The following HAPLN1 variants were observed in gnomAD, a reference collection of about 807,000 sequenced individuals.
HAPLN1 encodes hyaluronan and proteoglycan link protein 1.
A neutral mutation model predicts 36.5 loss-of-function variants in HAPLN1; 13 were observed. The ratio of observed to expected loss-of-function variants is 0.36; its 90% confidence interval spans 0.23 to 0.57. The LOEUF (loss-of-function observed/expected upper bound fraction) is 0.57, where lower values mean the gene tolerates loss of function less well. HAPLN1 is among the 20% of genes least tolerant of loss of function. HAPLN1 has a pLI of 0.83. For missense variants in HAPLN1, 407 were observed against 439.7 expected (o/e 0.93, Z 0.66); for synonymous variants, 202 against 169.8 (o/e 1.19, Z -1.48).
At position 83,649,443 on chromosome 5, in the gene HAPLN1, TTTTG is replaced by T. The variant is rs934564120; in HGVS notation, c.472+3006_472+3009del. On this transcript the variant is annotated intron_variant, in intron 3 of 4. Transcript: ENST00000274341. ...GGTCCAAATCAAGTATCTGGTTTTT[TTTTG>T]TTTGTTTGTTTGTTTTTTTGAGACG... Among the ~76,000 whole-genome samples the T allele has an allele frequency of 5.5e-4, 84 of 152,242 alleles. 1 individual carries two copies. The highest frequency in any genetic ancestry group is 1.0e-3 in the South Asian group (5 of 4,826).
rs977281932 is a variant in HAPLN1, at chr5:83,640,918, T to G, written c.*578A>C. ...ATTGGAATCCATATGAATTTTTTTT[T>G]TTTTTTTTGGTCAGAAAGGCAGGAT... On this transcript the variant is annotated 3_prime_UTR_variant, in exon 5 of 5. Transcript: ENST00000274341. The G allele has an allele frequency of 6.6e-6, 1 of 152,040 alleles. No homozygotes were observed. Among genetic ancestry groups the G allele is most frequent in the Admixed American group, 6.5e-5 (1 of 15,270 alleles). The allele number at this position is 152,040 out of a possible 1,614,324, so 9.4% of individuals were successfully genotyped here.
chr5:83,657,294 C>T (rs544125975), intron 2 of HAPLN1, among the ~76,000 whole-genome samples: 1 of 152,116 alleles, frequency 6.6e-6, no homozygotes, highest in African/African-American at 2.4e-5. Context: ...GATGGGGTTT[C>T]ACCATGTTAG....
At chr5:83,662,305 A>G (rs1750428687) in intron 2 of HAPLN1, among the ~76,000 whole-genome samples, 1 of 152,258 alleles carries the variant, frequency 6.6e-6, no homozygotes, top group South Asian at 2.1e-4. Flanking sequence ...TTAAATGTTA[A>G]TATTAATTTA....
intron 2 of HAPLN1, among the ~76,000 whole-genome samples, chr5:83,670,741 C>CTG (rs1455260663): frequency 6.6e-6 from 1 of 151,772 alleles, no homozygotes; most frequent in Non-Finnish European, 1.5e-5. Flanking sequence ...GTTGCCCAGG[C>CTG]TGGAGTGCAG....
intron 1 of HAPLN1, among the ~76,000 whole-genome samples, chr5:83,715,370 C>A (rs185295935): frequency 2.0e-5 from 3 of 151,912 alleles, no homozygotes; most frequent in Non-Finnish European, 4.4e-5. Flanking sequence ...GCAGGAGTCT[C>A]GGTTTATGAG....
At chr5:83,658,331 T>C (rs1330756793) in intron 2 of HAPLN1, among the ~76,000 whole-genome samples, 1 of 152,164 alleles carries the variant, frequency 6.6e-6, no homozygotes, top group African/African-American at 2.4e-5. Flanking sequence ...CTTGTTTATG[T>C]TGTTTCTCCA....
At chr5:83,667,772 A>G (rs182946525) in intron 2 of HAPLN1, among the ~76,000 whole-genome samples, 10 of 152,304 alleles carry the variant, frequency 6.6e-5, no homozygotes, top group South Asian at 2.1e-4. Flanking sequence ...CCAAATCCCA[A>G]ATCTGCAGTT....
At chr5:83,688,408 T>C (rs1344815763) in intron 1 of HAPLN1, among the ~76,000 whole-genome samples, 1 of 152,122 alleles carries the variant, frequency 6.6e-6, no homozygotes, top group Non-Finnish European at 1.5e-5. Flanking sequence ...TGTTAAACTT[T>C]TCAATACCCA....
chr5:83,676,404 G>T (rs1012262053), intron 1 of HAPLN1, among the ~76,000 whole-genome samples: 6 of 152,142 alleles, frequency 3.9e-5, no homozygotes, highest in African/African-American at 1.4e-4. Flanking sequence ...AATTATCTTT[G>T]TTACTCTGGT....
intron 2 of HAPLN1, among the ~76,000 whole-genome samples, chr5:83,660,462 G>A (rs779222988): frequency 1.8e-4 from 27 of 152,050 alleles, no homozygotes; most frequent in Non-Finnish European, 2.9e-4. Context: ...TCTTATAAAC[G>A]TGAGCCTCTC....
At chr5:83,648,083 G>C (rs898348356) in intron 3 of HAPLN1, among the ~76,000 whole-genome samples, 1 of 152,020 alleles carries the variant, frequency 6.6e-6, no homozygotes, top group African/African-American at 2.4e-5. Context: ...TGATTCTGTA[G>C]TCCAAGCTTC....
intron 1 of HAPLN1, among the ~76,000 whole-genome samples, chr5:83,697,920 A>G (rs1053241925): frequency 6.6e-5 from 10 of 151,982 alleles, no homozygotes; most frequent in Non-Finnish European, 1.3e-4. Context: ...AATTTTTTAT[A>G]TATTCTGGAT....
At chr5:83,700,911 T>C (rs1751494368) in intron 1 of HAPLN1, among the ~76,000 whole-genome samples, 1 of 152,214 alleles carries the variant, frequency 6.6e-6, no homozygotes, top group Non-Finnish European at 1.5e-5. Context: ...TGCATTAACA[T>C]TTATTTTCCT....
intron 3 of HAPLN1, among the ~76,000 whole-genome samples, chr5:83,648,737 G>T (rs1749960392): frequency 6.6e-6 from 1 of 151,990 alleles, no homozygotes. Context: ...GGGAGTTTGA[G>T]TACCACTGCC....
At position 83,644,648 on chromosome 5, in the gene HAPLN1, A is replaced by G; in HGVS notation, c.490T>C (p.Phe164Leu). 20 of 1,475,724 alleles carry G rather than the reference A, an allele frequency of 1.4e-5. No homozygotes were observed. The highest frequency in any genetic ancestry group is 1.8e-5 in the Non-Finnish European group (20 of 1,109,642). 91.4% of individuals were successfully genotyped at this position (1,475,724 alleles called of 1,614,324 possible). The change falls in exon 4 of 5, where the codon TTT becomes CTT. Residue 164 changes from phenylalanine to leucine, a missense_variant. By Grantham distance (22) the Phe-to-Leu change is conservative. Transcript: ENST00000274341. ...AGATTGTAGCGCCCCAGTCGTGGAA[A>G]GTAAGGGAATACCACACCTGTCCAA... is the stretch of plus-strand genomic sequence containing the variant. ...LDLQGVVFPY[F>L]PRLGRYNLNF...
intron 1 of HAPLN1, among the ~76,000 whole-genome samples, chr5:83,719,493 G>T (rs1173259531): frequency 6.6e-6 from 1 of 152,124 alleles, no homozygotes. Flanking sequence ...AAAATGGGTG[G>T]TATAAAAGTG....
At chr5:83,716,962 G>T (rs1751927417) in intron 1 of HAPLN1, among the ~76,000 whole-genome samples, 1 of 152,120 alleles carries the variant, frequency 6.6e-6, no homozygotes, top group Non-Finnish European at 1.5e-5. Flanking sequence ...AACCTGGGGA[G>T]TGGTGGTTGC....
intron 1 of HAPLN1, among the ~76,000 whole-genome samples, chr5:83,702,731 TC>T (rs775416721): frequency 5.2e-4 from 64 of 123,038 alleles, no homozygotes; most frequent in Non-Finnish European, 9.4e-4. Context: ...TCTTTTTTTT[TC>T]CCCCAACAGT....
chr5:83,705,716 A>G (rs10071453), intron 1 of HAPLN1, among the ~76,000 whole-genome samples: 41,653 of 152,024 alleles, frequency 0.27, 6,242 homozygotes, highest in Non-Finnish European at 0.34. Flanking sequence ...ACAAAAAACA[A>G]TCAAAATCAG....
Sources: gnomAD v4.1 joint callset for allele counts (sites outside exome capture counted in the v4.1 genomes callset) on GRCh38, gnomAD v4.1.1 for gene constraint, MANE v1.5 for transcripts, NCBI Gene and HGNC (gene_info 2026-07-23, HGNC 2026-07-21) for gene names.